FABP12: variants seen among roughly 807,000 people sequenced by gnomAD.
FABP12 encodes fatty acid-binding protein 12.
In FABP12, 19 loss-of-function variants were observed where a neutral mutation model predicts 13.7. The observed-to-expected ratio is 1.39, with a 90% CI of 0.97 to 2.04. The LOEUF (loss-of-function observed/expected upper bound fraction) is 2.04, where lower values mean the gene tolerates loss of function less well. Ranked by LOEUF, FABP12 falls within the 30% of genes most tolerant of loss-of-function variation. The probability of loss-of-function intolerance (pLI) is 0.00; values close to 1 mark genes in which losing one functional copy is unlikely to be tolerated. For missense variants in FABP12, 182 were observed against 164.2 expected, an observed-to-expected ratio of 1.11 and a Z score of -0.59; for synonymous variants, 61 against 57.0, an observed-to-expected ratio of 1.07 and a Z score of -0.32.
intron 1 of FABP12, among the ~76,000 whole-genome samples, chr8:81,584,158 C>A (rs757278315): frequency 6.6e-6 from 1 of 152,164 alleles, no homozygotes; most frequent in Non-Finnish European, 1.5e-5. Flanking sequence ...GTGACACCAG[C>A]AAGTTGGGTG....
chr8:81,569,627 C>T (rs376719548), intron 1 of FABP12, among the ~76,000 whole-genome samples: 3 of 152,322 alleles, frequency 2.0e-5, no homozygotes, highest in Non-Finnish European at 1.5e-5. Flanking sequence ...AAACACAGTA[C>T]ATGCTCACTC....
At position 81,530,028 on chromosome 8, in the gene FABP12, T is replaced by C. The variant is rs190224274; in HGVS notation, c.74-418A>G. ...GTATGGATTTTGCCAGATATTTAGC[T>C]CTTCACTTGTATTCTTACATGTATA... On this transcript the variant is annotated intron_variant, in intron 2 of 4. Coordinates refer to ENST00000360464, the Ensembl canonical transcript of FABP12. 1.8e-3 allele frequency among the ~76,000 whole-genome samples: 277 copies of C among 152,324 alleles called. 1 individual carries two copies. Among genetic ancestry groups the C allele is most frequent in the African/African-American group, 6.4e-3 (266 of 41,584 alleles).
intron 1 of FABP12, among the ~76,000 whole-genome samples, chr8:81,559,552 C>T (rs80206900): frequency 0.016 from 2,492 of 152,216 alleles, 61 homozygotes; most frequent in African/African-American, 0.056. Flanking sequence ...TGCCTTGCCA[C>T]GTAGCTTCTT....
intron 1 of FABP12, among the ~76,000 whole-genome samples, chr8:81,542,352 G>T (rs1263960323): frequency 1.3e-5 from 2 of 152,096 alleles, no homozygotes; most frequent in Non-Finnish European, 2.9e-5. Flanking sequence ...GTAACACTGG[G>T]CACTCACCTT....
At chr8:81,543,938 T>C (rs1030158486) in intron 1 of FABP12, among the ~76,000 whole-genome samples, 1 of 152,098 alleles carries the variant, frequency 6.6e-6, no homozygotes, top group African/African-American at 2.4e-5. Context: ...TGAGTGTATT[T>C]TGAACAACCT....
At chr8:81,576,350 T>G (rs1309413465) in intron 1 of FABP12, among the ~76,000 whole-genome samples, 1 of 152,134 alleles carries the variant, frequency 6.6e-6, no homozygotes, top group Non-Finnish European at 1.5e-5. Context: ...ATATATAATA[T>G]TTTCACACAA....
chr8:81,558,817 G>A (rs1197663580), intron 1 of FABP12, among the ~76,000 whole-genome samples: 1 of 150,738 alleles, frequency 6.6e-6, no homozygotes, highest in Non-Finnish European at 1.5e-5. Flanking sequence ...TTGAACCCGG[G>A]AGGCAGCAGT....
At chr8:81,545,187 G>A (rs1809417135) in intron 1 of FABP12, among the ~76,000 whole-genome samples, 1 of 152,168 alleles carries the variant, frequency 6.6e-6, no homozygotes, top group Non-Finnish European at 1.5e-5. Context: ...TGCCCGACTA[G>A]AGGTTGGGTA....
chr8:81,574,558 T>C (rs1809998534), intron 1 of FABP12, among the ~76,000 whole-genome samples: 1 of 152,156 alleles, frequency 6.6e-6, no homozygotes, highest in Non-Finnish European at 1.5e-5. Flanking sequence ...TCTGGTAGAA[T>C]TCTGCTGTGA....
intron 1 of FABP12, chr8:81,533,298 T>C (rs930758955): frequency 2.0e-5 from 3 of 152,242 alleles, no homozygotes; most frequent in African/African-American, 7.2e-5. Context: ...CAGTGCCTCT[T>C]CTGTGATTGA....
chr8:81,559,703 T>A (rs395491), intron 1 of FABP12, among the ~76,000 whole-genome samples: 8,626 of 152,304 alleles, frequency 0.057, 296 homozygotes, highest in Middle Eastern at 0.12. Context: ...CAGTGTCTGA[T>A]GCTCTGTTCC....
chr8:81,553,105 G>C (rs1457892504), intron 1 of FABP12, among the ~76,000 whole-genome samples: 1 of 152,148 alleles, frequency 6.6e-6, no homozygotes, highest in African/African-American at 2.4e-5. Context: ...AGGAAAAACA[G>C]AGGAATATCT....
intron 1 of FABP12, among the ~76,000 whole-genome samples, chr8:81,544,257 G>A (rs1013825262): frequency 1.3e-5 from 2 of 152,154 alleles, no homozygotes; most frequent in Non-Finnish European, 2.9e-5. Context: ...AGAAGCTCTG[G>A]AGGGTACTCT....
intron 1 of FABP12, among the ~76,000 whole-genome samples, 181 bp from the exon 2 acceptor site, chr8:81,531,571 C>T (rs1255782591): frequency 6.6e-6 from 1 of 152,030 alleles, no homozygotes; most frequent in African/African-American, 2.4e-5. Flanking sequence ...CTAGATATAC[C>T]TTTTCCAACA....
chr8:81,562,532 C>A (rs560284404), intron 1 of FABP12, among the ~76,000 whole-genome samples: 1 of 152,264 alleles, frequency 6.6e-6, no homozygotes, highest in East Asian at 1.9e-4. Flanking sequence ...CTGGACCAGT[C>A]AGGAGCTCAC....
intron 1 of FABP12, among the ~76,000 whole-genome samples, chr8:81,533,587 C>T (rs1162414841): frequency 1.3e-5 from 2 of 152,142 alleles, no homozygotes; most frequent in Admixed American, 6.5e-5. Context: ...TCCTCAAGTC[C>T]CCCCCACATC....
chr8:81,568,471 G>C (rs1411382014), intron 1 of FABP12, among the ~76,000 whole-genome samples: 1 of 152,184 alleles, frequency 6.6e-6, no homozygotes, highest in Non-Finnish European at 1.5e-5. Context: ...CCAAAAGACA[G>C]GCAATAACAA....
At chr8:81,555,542 T>C (rs1208235496) in intron 1 of FABP12, among the ~76,000 whole-genome samples, 3 of 152,196 alleles carry the variant, frequency 2.0e-5, no homozygotes, top group Non-Finnish European at 2.9e-5. Flanking sequence ...GAAATTTCCA[T>C]GGGAACAGTG....
chr8:81,579,780 G>A (rs1227236917), intron 1 of FABP12, among the ~76,000 whole-genome samples: 3 of 152,156 alleles, frequency 2.0e-5, no homozygotes, highest in South Asian at 2.1e-4. Context: ...CTTTGATGAT[G>A]TAAAGTCAAA....
Sources: gnomAD v4.1 joint callset for allele counts (sites outside exome capture counted in the v4.1 genomes callset) on GRCh38, gnomAD v4.1.1 for gene constraint, MANE v1.5 for transcripts, NCBI Gene and HGNC (gene_info 2026-07-23, HGNC 2026-07-21) for gene names.